C5: variants seen among roughly 807,000 people sequenced by gnomAD.
The protein encoded by C5 is complement C5.
Under a neutral mutation model 218.8 loss-of-function variants are expected in C5, and 140 were observed. The ratio of observed to expected loss-of-function variants is 0.64; its 90% CI spans 0.56 to 0.74. The LOEUF is 0.74. Ranked by LOEUF, C5 falls within the 30% of genes least tolerant of loss-of-function variation. C5 has a pLI of 0.00. For synonymous variants in C5, 614 were observed against 682.3 expected (o/e 0.90, Z 1.56); for missense variants, 1,700 against 1,969.6 (o/e 0.86, Z 2.59).
intron 3 of C5, 74 bp downstream of exon 3, chr9:121,042,930 A>G: frequency 8.1e-7 from 1 of 1,233,552 alleles, no homozygotes; most frequent in Non-Finnish European, 1.2e-6. Flanking sequence ...AATTTCAGGT[A>G]TTAAAAAGCT....
At chr9:121,051,750 T>C (rs2047672831), upstream of C5, among the ~76,000 whole-genome samples, 2 of 152,314 alleles carry the variant, frequency 1.3e-5, no homozygotes, top group East Asian at 3.9e-4. Flanking sequence ...AGGTATCTCT[T>C]GCATATGTCA....
At chr9:121,050,122 A>T in intron 1 of C5, 60 bp downstream of exon 1, 1 of 1,298,102 alleles carries the variant, frequency 7.7e-7, no homozygotes, top group Non-Finnish European at 1.1e-6. Flanking sequence ...TGTTAAATTT[A>T]ACTCTTCATT....
intron 23 of C5, 144 bp from the exon 24 acceptor site, chr9:120,989,924 A>G: frequency 1.5e-6 from 1 of 682,458 alleles, no homozygotes; most frequent in Non-Finnish European, 2.6e-6. Flanking sequence ...CGGGGTGAGA[A>G]AAAAAGATCC....
At chr9:121,067,650 T>C in the C5 span, among the ~76,000 whole-genome samples, 1 of 151,888 alleles carries the variant, frequency 6.6e-6, no homozygotes. Flanking sequence ...GCAAATCTCA[T>C]GTCAAACTGT....
At chr9:121,071,356 C>T in the C5 span, among the ~76,000 whole-genome samples, 1 of 150,738 alleles carries the variant, frequency 6.6e-6, no homozygotes, top group Non-Finnish European at 1.5e-5. Flanking sequence ...CAAAACACAC[C>T]AACAAAAACA....
intron 8 of C5, among the ~76,000 whole-genome samples, chr9:121,026,134 A>G (rs2047419885): frequency 6.6e-6 from 1 of 152,204 alleles, no homozygotes; most frequent in Non-Finnish European, 1.5e-5. Flanking sequence ...AGTGTCTAGC[A>G]TAGAATTTTG....
At chr9:121,071,022 A>C in the C5 span, among the ~76,000 whole-genome samples, 5 of 152,240 alleles carry the variant, frequency 3.3e-5, no homozygotes, top group South Asian at 1.0e-3. Context: ...TAAAAATAAA[A>C]ATTAAGGTTG....
chr9:121,050,436 ACAGGAACTTACACC>A (rs1212842960), upstream of C5, among the ~76,000 whole-genome samples: 1 of 152,214 alleles, frequency 6.6e-6, no homozygotes, highest in Non-Finnish European at 1.5e-5. Context: ...GGAGTACTTT[ACAGGAACTTACACC>A]CAGGGAATTT....
chr9:120,954,618 C>A (rs1564129186), intron 39 of C5, among the ~76,000 whole-genome samples: 1 of 152,206 alleles, frequency 6.6e-6, no homozygotes. Flanking sequence ...ATCTGTCCTT[C>A]TAGCTAGACT....
chr9:120,953,660 G>A, intron 40 of C5, 70 bp downstream of exon 40: 1 of 1,439,500 alleles, frequency 6.9e-7, no homozygotes, highest in Middle Eastern at 1.9e-4. Flanking sequence ...GAAACACGTA[G>A]TGTATTTAAG....
intron 27 of C5, among the ~76,000 whole-genome samples, chr9:120,981,606 T>C (rs527942203): frequency 6.6e-6 from 1 of 152,362 alleles, no homozygotes; most frequent in Non-Finnish European, 1.5e-5. Flanking sequence ...ACTGGGAAAC[T>C]GAATTCACCT....
intron 33 of C5, among the ~76,000 whole-genome samples, chr9:120,966,550 C>G (rs1271997233): frequency 6.6e-6 from 1 of 152,198 alleles, no homozygotes; most frequent in Non-Finnish European, 1.5e-5. Flanking sequence ...TGTAGGGTCC[C>G]AGGCACTGAT....
chr9:120,953,190 C>T (rs1394575938), intron 40 of C5, among the ~76,000 whole-genome samples: 1 of 152,154 alleles, frequency 6.6e-6, no homozygotes, highest in African/African-American at 2.4e-5. Context: ...TCCCATAGTG[C>T]TGGGATTACA....
intron 4 of C5, among the ~76,000 whole-genome samples, chr9:121,037,158 T>A (rs1023927977): frequency 2.0e-5 from 3 of 152,116 alleles, no homozygotes; most frequent in African/African-American, 7.2e-5. Context: ...TATTAAACTC[T>A]AAGTTCCTTA....
chr9:121,042,867 CT>C, intron 3 of C5, 136 bp downstream of exon 3: 1 of 649,560 alleles, frequency 1.5e-6, no homozygotes, highest in Non-Finnish European at 2.7e-6. Context: ...GTATAGATGT[CT>C]TTGGGAATTG....
chr9:120,989,555 T>G lies in C5; in HGVS notation c.3154+13A>C. ...ATCACCCAATTTTTATGTGAAATAC[T>G]TTTTTTTTTTACCTTCTTTTAATTT... is the stretch of plus-strand genomic sequence containing the variant. On this transcript the variant is annotated intron_variant, in intron 24 of 40. Transcript: ENST00000223642. 1 of 579,848 alleles carries G rather than the reference T, an allele frequency of 1.7e-6. No individual in the cohort carries two copies. Among genetic ancestry groups the G allele is most frequent in the Non-Finnish European group, 2.5e-6 (1 of 402,288 alleles). The allele number at this position is 579,848 out of a possible 1,614,324, so 35.9% of individuals were successfully genotyped here.
At chr9:120,959,514 G>A (rs965633059) in intron 38 of C5, among the ~76,000 whole-genome samples, 5 of 151,956 alleles carry the variant, frequency 3.3e-5, no homozygotes, top group Non-Finnish European at 7.4e-5. Context: ...ACCCACCTCG[G>A]CCTCCCAAAG....
the C5 span, among the ~76,000 whole-genome samples, chr9:121,057,016 C>T: frequency 1.3e-5 from 2 of 152,116 alleles, no homozygotes; most frequent in African/African-American, 4.8e-5. Context: ...CATAAAGGAG[C>T]TCTAATACAT....
intron 16 of C5, among the ~76,000 whole-genome samples, chr9:121,014,422 C>G (rs755963184): frequency 1.3e-5 from 2 of 152,094 alleles, no homozygotes; most frequent in East Asian, 1.9e-4. Context: ...ATCCAAGAAG[C>G]CTTCAAATAT....
Sources: allele counts gnomAD v4.1 joint callset (sites outside exome capture counted in the v4.1 genomes callset), GRCh38; gene constraint gnomAD v4.1.1; transcripts MANE v1.5; gene names NCBI Gene and HGNC (gene_info 2026-07-23, HGNC 2026-07-21).